ADAP1: variants seen among roughly 807,000 people sequenced by gnomAD.
ADAP1 encodes arf-GAP with dual PH domain-containing protein 1.
Under a neutral mutation model 54.9 loss-of-function variants are expected in ADAP1, and 31 were observed. The observed-to-expected ratio is 0.56, with a 90% CI of 0.42 to 0.76. The LOEUF is 0.76. ADAP1 is among the 30% of genes least tolerant of loss of function. The pLI is 0.00. For missense variants in ADAP1, 535 were observed against 512.4 expected, an observed-to-expected ratio of 1.04 and a Z score of -0.42; for synonymous variants, 313 against 202.6, an observed-to-expected ratio of 1.55 and a Z score of -4.63.
chr7:927,005 C>G (rs1846414129), intron 2 of ADAP1: 1 of 1,260,236 alleles, frequency 7.9e-7, no homozygotes, highest in Admixed American at 3.1e-5. Context: ...TGACCCCCAT[C>G]TCTGCCCCAG....
chr7:939,830 CA>C (rs569332179), intron 1 of ADAP1, among the ~76,000 whole-genome samples: 26,681 of 102,194 alleles, frequency 0.26, 2,233 homozygotes, highest in Middle Eastern at 0.39. Flanking sequence ...GACTTTGTCT[CA>C]AAAAAAAAAA....
intron 3 of ADAP1, among the ~76,000 whole-genome samples, chr7:925,823 G>C (rs182610573): frequency 6.5e-4 from 99 of 152,348 alleles, no homozygotes; most frequent in African/African-American, 2.2e-3. Context: ...CTGCTGAGTG[G>C]GTTCACGGAG....
Position 946,454 on chromosome 7 carries a change from C to G in ADAP1, c.82+7942G>C, listed in dbSNP as rs941471407. Among the ~76,000 whole-genome samples, 7 of 152,208 alleles carry G rather than the reference C, an allele frequency of 4.6e-5. No individual in the cohort carries two copies. The highest frequency in any genetic ancestry group is 1.0e-4 in the Non-Finnish European group (7 of 68,034). On this transcript the variant is annotated intron_variant, in intron 1 of 10. Coordinates refer to ENST00000265846, the MANE Select transcript of ADAP1 (RefSeq NM_006869.4). This position sits in a 1 kb window ranked among gnomAD's most constrained non-coding sequence, Gnocchi z 4.3. ...CAGGACCCAGATCCGCTGGCCCCTA[C>G]CCGGTTCAGGGACACGTGCCCCTCT...
Position 898,849 on chromosome 7 carries a change from G to GCCCCCCCATCCACGGGT in ADAP1, c.*55_*71dup. On this transcript the variant is annotated 3_prime_UTR_variant, in exon 11 of 11. Coordinates refer to ENST00000265846, the MANE Select transcript of ADAP1 (RefSeq NM_006869.4). ...GGCCAGGTGGCCTCAGGACGCCAGAGCCCCCCCATCCACGGGTCCCCTCCG... is the reference window on the plus strand; with the variant it reads ...GGCCAGGTGGCCTCAGGACGCCAGAGCCCCCCCATCCACGGGTCCCCCCCATCCACGGGTCCCCTCCG... The GCCCCCCCATCCACGGGT allele has an allele frequency of 6.5e-7, 1 of 1,546,852 alleles. No homozygotes were observed. Among genetic ancestry groups the GCCCCCCCATCCACGGGT allele is most frequent in the Admixed American group, 1.9e-5 (1 of 51,440 alleles).
chr7:898,995 G>A (rs1844643664), intron 10 of ADAP1, 38 bp downstream of exon 10: 1 of 1,609,986 alleles, frequency 6.2e-7, no homozygotes, highest in Non-Finnish European at 8.5e-7. Context: ...CGGGGAGCTG[G>A]GAGCCCTTCC....
chr7:908,997 C>T (rs1365785302), intron 4 of ADAP1, among the ~76,000 whole-genome samples: 1 of 151,998 alleles, frequency 6.6e-6, no homozygotes, highest in Non-Finnish European at 1.5e-5. Flanking sequence ...CCATGCCCGC[C>T]GCGCCCAGCA....
chr7:904,627 T>A (rs1415466658), intron 5 of ADAP1, among the ~76,000 whole-genome samples: 1 of 152,086 alleles, frequency 6.6e-6, no homozygotes, highest in Non-Finnish European at 1.5e-5. Flanking sequence ...TCAGGGCGGG[T>A]GCTTCTGACC....
intron 3 of ADAP1, among the ~76,000 whole-genome samples, chr7:923,832 A>G (rs551026454): frequency 6.6e-6 from 1 of 152,034 alleles, no homozygotes; most frequent in African/African-American, 2.4e-5. Context: ...TTCAACTCAG[A>G]CCCGGGCTTG....
At chr7:911,296 GA>G in intron 4 of ADAP1, among the ~76,000 whole-genome samples, 1 of 152,226 alleles carries the variant, frequency 6.6e-6, no homozygotes, top group African/African-American at 2.4e-5. Context: ...GACAGGCCTG[GA>G]GAGACCCCCC....
At chr7:933,201 G>A (rs1846637628) in intron 2 of ADAP1, among the ~76,000 whole-genome samples, 1 of 151,828 alleles carries the variant, frequency 6.6e-6, no homozygotes, top group African/African-American at 2.4e-5. Context: ...AGCCCGGGAG[G>A]TGGAGCTTGC....
chr7:915,189 C>A (rs1401627541), intron 4 of ADAP1, among the ~76,000 whole-genome samples: 1 of 151,758 alleles, frequency 6.6e-6, no homozygotes, highest in African/African-American at 2.4e-5. Flanking sequence ...CTGGCCACGG[C>A]ACTCACGGCA....
Position 926,620 on chromosome 7 carries a change from C to A in ADAP1, c.238G>T (p.Ala80Ser). The part of the protein sequence containing the change: ...VEFMASHGND[A>S]ARARFESKVP... ...TTGGACTCAAACCTGGCTCTCGCGG[C>A]GTCGTTCCCGTGGGAGGCCATGAAC... is the stretch of plus-strand genomic sequence containing the variant. Residue 80 changes from alanine to serine, a missense_variant, in exon 3 of 11, where the codon GCC becomes TCC. Transcript: ENST00000265846. This position sits in a 1 kb window ranked among gnomAD's most constrained non-coding sequence, Gnocchi z 4.6. 1 of 1,544,018 alleles carries A rather than the reference C, an allele frequency of 6.5e-7. No individual in the cohort carries two copies. The highest frequency in any genetic ancestry group is 8.7e-7 in the Non-Finnish European group (1 of 1,144,596).
intron 5 of ADAP1, 135 bp from the exon 6 acceptor site, chr7:904,407 T>C: frequency 8.6e-7 from 1 of 1,168,532 alleles, no homozygotes; most frequent in Non-Finnish European, 1.2e-6. Context: ...TTAAGCGCTC[T>C]GAGCCTTGGC....
At position 950,856 on chromosome 7, in the gene ADAP1, CAAAA is replaced by C. The variant is rs34720533; in HGVS notation, c.82+3536_82+3539del. On this transcript the variant is annotated intron_variant, in intron 1 of 10. Transcript: ENST00000265846. Reference sequence around the variant, plus strand: ...TTGGGAACAGAGCAAGACTCCGTCTCAAAAAAAAAAAAAAAAAAAAAACAAGAAA... The same window carrying C: ...TTGGGAACAGAGCAAGACTCCGTCTCAAAAAAAAAAAAAAAAAACAAGAAA... 3.3e-4 allele frequency among the ~76,000 whole-genome samples: 28 copies of C among 84,950 alleles called. No homozygotes were observed. The South Asian group carries it at 5.2e-3, about 16-fold the overall frequency. 55.7% of individuals were successfully genotyped at this position (84,950 alleles called of 152,430 possible). A position where few individuals can be genotyped will look rare whatever the true frequency, so the allele number is the denominator to read the frequency against.
chr7:913,177 G>T (rs1845791327), intron 4 of ADAP1, among the ~76,000 whole-genome samples: 1 of 150,294 alleles, frequency 6.7e-6, no homozygotes. Context: ...GTGTGCAAAG[G>T]CTGCTGGCCT....
rs1392506810 is a variant in ADAP1, at chr7:920,492, CCACCCACCGTGCTGCCACCTTG to C, written c.306-464_306-443del. Among the ~76,000 whole-genome samples the C allele has an allele frequency of 1.3e-5, 2 of 151,728 alleles. No homozygotes were observed. The highest frequency in any genetic ancestry group is 2.9e-5 in the Non-Finnish European group (2 of 67,876). On this transcript the variant is annotated intron_variant, in intron 3 of 10. Coordinates refer to ENST00000265846, the MANE Select transcript of ADAP1 (RefSeq NM_006869.4). The surrounding 1 kb of genome is among the most constrained non-coding windows in gnomAD (Gnocchi z 4.5). ...TGGGAAGTGGCCGCGGCGCCGCCCT[CCACCCACCGTGCTGCCACCTTG>C]CACCCCCCGTGCCGCCCTCCACCCG...
chr7:954,013 G>C (rs1005217809), intron 1 of ADAP1, among the ~76,000 whole-genome samples: 7 of 152,194 alleles, frequency 4.6e-5, no homozygotes, highest in African/African-American at 1.7e-4. Context: ...AGAGACCTCC[G>C]GCTGGCGGCC....
chr7:908,779 C>A (rs1206967192), intron 4 of ADAP1, among the ~76,000 whole-genome samples: 1 of 152,250 alleles, frequency 6.6e-6, no homozygotes, highest in Admixed American at 6.5e-5. Flanking sequence ...CGGCCTCTGC[C>A]GCTCACGGCC....
At chr7:932,728 G>T (rs940452551) in intron 2 of ADAP1, among the ~76,000 whole-genome samples, 5 of 152,136 alleles carry the variant, frequency 3.3e-5, no homozygotes, top group Non-Finnish European at 5.9e-5. Flanking sequence ...CGAAGGGACG[G>T]ATATCACATC....
Sources: allele counts gnomAD v4.1 joint callset (sites outside exome capture counted in the v4.1 genomes callset), GRCh38; gene constraint gnomAD v4.1.1; non-coding constraint Gnocchi (gnomAD v3.1); transcripts MANE v1.5; gene names NCBI Gene and HGNC (gene_info 2026-07-23, HGNC 2026-07-21).